Variants in PHGDH observed in about 807,000 individuals in gnomAD.
PHGDH encodes phosphoglycerate dehydrogenase, also known as D-3-phosphoglycerate dehydrogenase.
In PHGDH, 50 loss-of-function variants were observed where a neutral mutation model predicts 52.6. That is an observed-to-expected ratio of 0.95 (90% CI 0.76 to 1.20). The LOEUF (loss-of-function observed/expected upper bound fraction) is 1.20. PHGDH is among the 50% of genes most tolerant of loss of function. PHGDH has a pLI of 0.00. For synonymous variants in PHGDH, 271 were observed against 280.5 expected, an observed-to-expected ratio of 0.97 and a Z score of 0.34; for missense variants, 630 against 684.6, an observed-to-expected ratio of 0.92 and a Z score of 0.89.
intron 5 of PHGDH, chr1:119,734,361 C>T (rs1651836056): frequency 2.3e-6 from 1 of 428,932 alleles, no homozygotes; most frequent in Non-Finnish European, 4.4e-6. Context: ...GGAAGCCCTG[C>T]TTCCCTCAGC....
At chr1:119,721,486 G>C in intron 2 of PHGDH, 165 bp downstream of exon 2, 1 of 651,436 alleles carries the variant, frequency 1.5e-6, no homozygotes, top group South Asian at 2.0e-5. Flanking sequence ...ACAGCATAGT[G>C]GTTTCAAGGT....
chr1:119,743,173 C>T (rs1571021328), intron 11 of PHGDH, 129 bp downstream of exon 11: 2 of 761,052 alleles, frequency 2.6e-6, no homozygotes, highest in Non-Finnish European at 4.8e-6. Context: ...CTGCACCATA[C>T]AGAGGGTCTG....
intron 1 of PHGDH, among the ~76,000 whole-genome samples, chr1:119,715,394 T>C (rs756134020): frequency 6.6e-6 from 1 of 152,216 alleles, no homozygotes; most frequent in Non-Finnish European, 1.5e-5. Flanking sequence ...AAATAGGAAG[T>C]TCCCAGCCTT....
intron 5 of PHGDH, 98 bp from the exon 6 acceptor site, chr1:119,734,536 G>C (rs1651844420): frequency 2.7e-6 from 3 of 1,113,490 alleles, no homozygotes; most frequent in African/African-American, 3.1e-5. Context: ...ATGGTAGTTA[G>C]TATATGGTAA....
At chr1:119,712,260 T>A in intron 1 of PHGDH, 100 bp downstream of exon 1, 5 of 902,734 alleles carry the variant, frequency 5.5e-6, no homozygotes, top group Non-Finnish European at 8.4e-6. Context: ...GCACCCCGTA[T>A]CAATTAGTTC....
At chr1:119,740,257 C>T in intron 8 of PHGDH, 129 bp from the exon 9 acceptor site, 3 of 865,502 alleles carry the variant, frequency 3.5e-6, no homozygotes, top group Non-Finnish European at 5.7e-6. Flanking sequence ...AGTTGTCACC[C>T]ACCAGGCACC....
chr1:119,721,101 T>A, intron 1 of PHGDH, 69 bp from the exon 2 acceptor site: 1 of 1,437,424 alleles, frequency 7.0e-7, no homozygotes, highest in Non-Finnish European at 9.8e-7. Context: ...GAGTAAGCAA[T>A]GATGTGCCTG....
intron 6 of PHGDH, 188 bp downstream of exon 6, chr1:119,734,954 T>A (rs1280450765): frequency 2.9e-6 from 2 of 684,692 alleles, no homozygotes; most frequent in African/African-American, 3.5e-5. Flanking sequence ...CAGCTAGAAG[T>A]GCTTGGGGTC....
chr1:119,737,799 G>A (rs1652012292), intron 8 of PHGDH, among the ~76,000 whole-genome samples: 1 of 152,116 alleles, frequency 6.6e-6, no homozygotes, highest in South Asian at 2.1e-4. Flanking sequence ...CTTCCATCAA[G>A]CCCTTCCTGG....
At chr1:119,719,895 G>A (rs1220365807) in intron 1 of PHGDH, 2 of 152,240 alleles carry the variant, frequency 1.3e-5, no homozygotes, top group African/African-American at 2.4e-5. Flanking sequence ...GAGGAGCCAT[G>A]TGCTCCATCT....
intron 5 of PHGDH, among the ~76,000 whole-genome samples, chr1:119,731,088 T>G (rs1015116966): frequency 1.3e-5 from 2 of 152,190 alleles, no homozygotes; most frequent in Non-Finnish European, 2.9e-5. Flanking sequence ...CAAAAGCTTT[T>G]CTGGGGGAGC....
chr1:119,737,863 T>A (rs1054438412), intron 8 of PHGDH, among the ~76,000 whole-genome samples: 5 of 152,186 alleles, frequency 3.3e-5, no homozygotes, highest in Non-Finnish European at 7.3e-5. Context: ...CCTGTCTCAT[T>A]CATTCAGTCT....
chr1:119,730,868 C>T (rs1651660687), intron 5 of PHGDH, among the ~76,000 whole-genome samples: 1 of 152,154 alleles, frequency 6.6e-6, no homozygotes, highest in Admixed American at 6.5e-5. Context: ...CCACCATTCT[C>T]ATCAACAGCC....
At chr1:119,717,840 A>T (rs1472056661) in intron 1 of PHGDH, among the ~76,000 whole-genome samples, 1 of 152,062 alleles carries the variant, frequency 6.6e-6, no homozygotes, top group Admixed American at 6.6e-5. Context: ...AAAGGAAGGG[A>T]TTTCTGATGA....
intron 3 of PHGDH, among the ~76,000 whole-genome samples, chr1:119,725,127 G>C (rs1651349159): frequency 6.6e-6 from 1 of 152,100 alleles, no homozygotes; most frequent in Admixed American, 6.5e-5. Flanking sequence ...ACAAATGTAG[G>C]TTTCACCATT....
At chr1:119,734,227 T>C in intron 5 of PHGDH, 1 of 325,238 alleles carries the variant, frequency 3.1e-6, no homozygotes, top group Non-Finnish European at 6.0e-6. Context: ...ACTCCCTGCT[T>C]TCTAAGGACT....
At chr1:119,732,300 A>T (rs955415882) in intron 5 of PHGDH, among the ~76,000 whole-genome samples, 3 of 152,176 alleles carry the variant, frequency 2.0e-5, no homozygotes, top group African/African-American at 7.2e-5. Flanking sequence ...TCCTGCTTAG[A>T]AAGTGAGGCT....
intron 3 of PHGDH, among the ~76,000 whole-genome samples, chr1:119,723,961 A>G (rs587656546): frequency 5.6e-4 from 85 of 152,202 alleles, no homozygotes; most frequent in Admixed American, 9.8e-4. Context: ...ATGGAGTAAG[A>G]ACCTGCTTCA....
chr1:119,715,101 C>T (rs1438765784), intron 1 of PHGDH, among the ~76,000 whole-genome samples: 1 of 152,162 alleles, frequency 6.6e-6, no homozygotes, highest in Non-Finnish European at 1.5e-5. Flanking sequence ...CTGTGACCCA[C>T]AATAAGAAAT....
Sources: gnomAD v4.1 joint callset for allele counts (sites outside exome capture counted in the v4.1 genomes callset) on GRCh38, gnomAD v4.1.1 for gene constraint, MANE v1.5 for transcripts, NCBI Gene and HGNC (gene_info 2026-07-23, HGNC 2026-07-21) for gene names.